Variants in LRRTM4 observed in about 807,000 individuals in gnomAD.
The protein encoded by LRRTM4 is leucine-rich repeat transmembrane neuronal protein 4.
In LRRTM4, 25 loss-of-function variants were observed where a neutral mutation model predicts 47.6. The observed-to-expected ratio is 0.53, with a 90% confidence interval of 0.38 to 0.73. The LOEUF is 0.73. Among genes scored for constraint, LRRTM4 ranks in the 30% least tolerant of loss-of-function variants. The pLI, the probability that LRRTM4 is intolerant of heterozygous loss-of-function variation, is 0.00. For synonymous variants in LRRTM4, 311 were observed against 269.5 expected (o/e 1.15, Z -1.51); for missense variants, 638 against 713.4 (o/e 0.89, Z 1.20).
chr2:77,325,173 A>T (rs1670713651), intron 3 of LRRTM4, among the ~76,000 whole-genome samples: 1 of 152,164 alleles, frequency 6.6e-6, no homozygotes, highest in African/African-American at 2.4e-5. Context: ...AAATCGCCAA[A>T]GGACTGCCCC....
intron 3 of LRRTM4, among the ~76,000 whole-genome samples, chr2:76,917,769 T>C (rs1269827702): frequency 1.3e-5 from 2 of 152,160 alleles, no homozygotes; most frequent in East Asian, 3.9e-4. Flanking sequence ...CCCACTCTTT[T>C]GTCCCTGATA....
At chr2:77,036,537 C>T (rs557615607) in intron 3 of LRRTM4, among the ~76,000 whole-genome samples, 20 of 151,718 alleles carry the variant, frequency 1.3e-4, no homozygotes, top group African/African-American at 4.6e-4. Flanking sequence ...TTCCTACAAT[C>T]CTTATCATCA....
chr2:77,008,684 A>G (rs1014480154), intron 3 of LRRTM4, among the ~76,000 whole-genome samples: 2 of 152,116 alleles, frequency 1.3e-5, no homozygotes, highest in Non-Finnish European at 2.9e-5. Context: ...TCATCCTTTT[A>G]CCAGTAGTCC....
At chr2:77,455,249 A>G (rs1350235736) in intron 3 of LRRTM4, among the ~76,000 whole-genome samples, 1 of 152,226 alleles carries the variant, frequency 6.6e-6, no homozygotes, top group Non-Finnish European at 1.5e-5. Flanking sequence ...GCCTGAACAT[A>G]GAGACCATAG....
chr2:77,072,135 T>C (rs1680174660), intron 3 of LRRTM4, among the ~76,000 whole-genome samples: 1 of 152,068 alleles, frequency 6.6e-6, no homozygotes. Flanking sequence ...CATAAGAATG[T>C]TATTAAATTT....
chr2:77,214,525 G>A (rs1012262332), intron 3 of LRRTM4, among the ~76,000 whole-genome samples: 3 of 151,884 alleles, frequency 2.0e-5, no homozygotes, highest in Admixed American at 6.6e-5. Context: ...CCTTAAATAG[G>A]CTCTGATATG....
At chr2:77,131,488 T>C (rs914552883) in intron 3 of LRRTM4, among the ~76,000 whole-genome samples, 3 of 152,208 alleles carry the variant, frequency 2.0e-5, no homozygotes, top group African/African-American at 7.2e-5. Flanking sequence ...TATAAACACA[T>C]GTGTTTGGGA....
intron 3 of LRRTM4, among the ~76,000 whole-genome samples, chr2:77,346,840 C>G (rs1037769963): frequency 1.3e-5 from 2 of 151,764 alleles, no homozygotes; most frequent in Admixed American, 6.6e-5. Flanking sequence ...AAAAAAGTTA[C>G]AGAATAAAAG....
chr2:77,060,476 T>C (rs1232676048), intron 3 of LRRTM4, among the ~76,000 whole-genome samples: 1 of 152,182 alleles, frequency 6.6e-6, no homozygotes, highest in Admixed American at 6.5e-5. Context: ...ATTTAAAAAA[T>C]ATTAATCTAA....
chr2:76,951,150 A>T (rs530253150), intron 3 of LRRTM4, among the ~76,000 whole-genome samples: 3 of 152,228 alleles, frequency 2.0e-5, no homozygotes, highest in Admixed American at 2.0e-4. Context: ...AAAAATTATA[A>T]GTCTTGTTCT....
At chr2:77,370,810 C>T (rs146100461) in intron 3 of LRRTM4, among the ~76,000 whole-genome samples, 1,758 of 151,772 alleles carry the variant, frequency 0.012, 26 homozygotes, top group African/African-American at 0.039. Context: ...GACATGCATT[C>T]GCCGAGTGCC....
At chr2:76,884,694 T>C (rs904867619) in intron 3 of LRRTM4, among the ~76,000 whole-genome samples, 7 of 152,170 alleles carry the variant, frequency 4.6e-5, no homozygotes, top group Non-Finnish European at 1.0e-4. Flanking sequence ...AAACAACCAG[T>C]ACAATCTTTC....
At position 76,852,477 on chromosome 2, in the gene LRRTM4, C is replaced by T. The variant is rs572177832; in HGVS notation, c.1552-103561G>A. Among the ~76,000 whole-genome samples, 15 of 152,292 alleles carry T rather than the reference C, an allele frequency of 9.8e-5. No individual in the cohort carries two copies. The South Asian group carries it at 2.9e-3, about 29-fold the overall frequency. On this transcript the variant is annotated intron_variant, in intron 3 of 3. Coordinates refer to ENST00000409884, the MANE Select transcript of LRRTM4 (RefSeq NM_001134745.3). The stretch of plus-strand genomic sequence containing the variant: ...AAGTAAAAATTATAACAGATTTCAT[C>T]TACTTACTTTTCTGAATAGTTTAGT...
chr2:77,190,024 C>A (rs560619548), intron 3 of LRRTM4, among the ~76,000 whole-genome samples: 1 of 152,024 alleles, frequency 6.6e-6, no homozygotes, highest in African/African-American at 2.4e-5. Context: ...TAATTCATCT[C>A]TTTCCTGTGT....
chr2:77,237,159 G>T (rs112034390), intron 3 of LRRTM4, among the ~76,000 whole-genome samples: 2,760 of 114,376 alleles, frequency 0.024, 88 homozygotes, highest in African/African-American at 0.068. Flanking sequence ...AATTCATCTT[G>T]TTGGGGGATT....
At chr2:76,995,286 C>G (rs943694700) in intron 3 of LRRTM4, among the ~76,000 whole-genome samples, 13 of 151,950 alleles carry the variant, frequency 8.6e-5, no homozygotes, top group African/African-American at 2.7e-4. Context: ...TACTTTTCTG[C>G]CTTTGAATTC....
intron 3 of LRRTM4, among the ~76,000 whole-genome samples, chr2:77,114,551 T>C (rs970534793): frequency 5.9e-5 from 9 of 152,140 alleles, no homozygotes; most frequent in Admixed American, 1.3e-4. Flanking sequence ...GGTTCCCACA[T>C]GCACTTAGGA....
intron 3 of LRRTM4, among the ~76,000 whole-genome samples, chr2:76,998,692 A>T (rs1385601519): frequency 6.6e-6 from 1 of 152,052 alleles, no homozygotes; most frequent in African/African-American, 2.4e-5. Flanking sequence ...CAAAAAAACA[A>T]AAAACACAAT....
At chr2:77,074,726 A>C (rs925835606) in intron 3 of LRRTM4, among the ~76,000 whole-genome samples, 1 of 152,186 alleles carries the variant, frequency 6.6e-6, no homozygotes, top group Non-Finnish European at 1.5e-5. Context: ...AGCATGAAAA[A>C]AGGTCAATTG....
Sources: allele counts gnomAD v4.1 joint callset (sites outside exome capture counted in the v4.1 genomes callset), GRCh38; gene constraint gnomAD v4.1.1; transcripts MANE v1.5; gene names NCBI Gene and HGNC (gene_info 2026-07-23, HGNC 2026-07-21).